Variants in WAC observed in about 807,000 individuals in gnomAD.
WAC encodes the protein WW domain-containing adapter protein with coiled-coil.
A neutral mutation model predicts 79.6 loss-of-function variants in WAC; 11 were observed. The ratio of observed to expected loss-of-function variants is 0.14; its 90% CI spans 0.09 to 0.23. WAC has a LOEUF of 0.23. Ranked by LOEUF, WAC falls within the 10% of genes least tolerant of loss-of-function variation. WAC has a pLI of 1.00. For synonymous variants in WAC, 304 were observed against 276.9 expected, an observed-to-expected ratio of 1.10 and a Z score of -0.97; for missense variants, 728 against 773.5, an observed-to-expected ratio of 0.94 and a Z score of 0.70.
rs1841678936 is a variant in WAC at position 28,621,204 on chromosome 10, G to GT, written c.*1604dup. The GT allele has an allele frequency of 7.6e-6, 1 of 132,084 alleles. No individual in the cohort carries two copies. Among genetic ancestry groups the GT allele is most frequent in the Non-Finnish European group, 1.6e-5 (1 of 63,908 alleles). The allele number at this position is 132,084 out of a possible 1,614,324, so 8.2% of individuals were successfully genotyped here. ...TTTTTTTTCTTTAAATTGGTTTAGG[G>GT]TTTTTTGGTGATTTTTTTTTTTTTT... On this transcript the variant is annotated 3_prime_UTR_variant, in exon 14 of 14. Coordinates refer to ENST00000354911, the MANE Select transcript of WAC (RefSeq NM_016628.5).
At chr10:28,604,894 C>A (rs534968186) in intron 7 of WAC, among the ~76,000 whole-genome samples, 2 of 152,334 alleles carry the variant, frequency 1.3e-5, no homozygotes, top group Admixed American at 1.3e-4. Context: ...TATAAAACTT[C>A]TACCTTTTAT....
chr10:28,561,893 C>T (rs559346222), intron 3 of WAC, among the ~76,000 whole-genome samples: 2 of 152,220 alleles, frequency 1.3e-5, no homozygotes, highest in Non-Finnish European at 1.5e-5. Flanking sequence ...GAGGTGGAAT[C>T]GTTTCACCCC....
chr10:28,616,407 A>G, intron 12 of WAC, 45 bp downstream of exon 12: 1 of 1,401,352 alleles, frequency 7.1e-7, no homozygotes, highest in Non-Finnish European at 9.5e-7. Flanking sequence ...TGATTAGCAA[A>G]ACAGAATTTA....
At chr10:28,545,821 A>G (rs1300156453) in intron 3 of WAC, among the ~76,000 whole-genome samples, 1 of 152,222 alleles carries the variant, frequency 6.6e-6, no homozygotes, top group Non-Finnish European at 1.5e-5. Flanking sequence ...ATTGGGTAGT[A>G]TCTGGAGCCA....
intron 3 of WAC, among the ~76,000 whole-genome samples, chr10:28,550,522 A>G (rs997431741): frequency 6.6e-6 from 1 of 152,162 alleles, no homozygotes; most frequent in Non-Finnish European, 1.5e-5. Flanking sequence ...AGCTCCTAAT[A>G]GGCAGCGATT....
intron 2 of WAC, among the ~76,000 whole-genome samples, chr10:28,534,690 G>A (rs1324697025): frequency 1.5e-4 from 23 of 152,148 alleles, no homozygotes; most frequent in Non-Finnish European, 2.9e-5. Context: ...CCAATTTTCA[G>A]GAGGGAAACC....
chr10:28,608,613 T>C, intron 8 of WAC, 182 bp downstream of exon 8: 1 of 635,450 alleles, frequency 1.6e-6, no homozygotes, highest in Non-Finnish European at 2.6e-6. Flanking sequence ...TTTAAGACCA[T>C]TGGTAGTATA....
Position 28,590,744 on chromosome 10 carries a change from C to T in WAC, c.522C>T (p.Asn174=), listed in dbSNP as rs774791096. The T allele has an allele frequency of 1.2e-5, 20 of 1,608,354 alleles. No individual in the cohort carries two copies. In the South Asian group the frequency reaches 2.2e-4, roughly 18 times the overall value. ...GAGAACAGAGACAAAAAGAAGCAAA[C>T]AAGATGGCAGTCAACAGCTTCCCAA... ...LEREQRQKEA[N]KMAVNSFPKD... The change falls in exon 6 of 14, where the codon AAC becomes AAT. Residue 174 remains asparagine (N), a synonymous_variant. Coordinates refer to ENST00000354911, the MANE Select transcript of WAC (RefSeq NM_016628.5).
intron 3 of WAC, among the ~76,000 whole-genome samples, chr10:28,545,977 A>C (rs557557260): frequency 1.3e-5 from 2 of 152,372 alleles, no homozygotes; most frequent in African/African-American, 4.8e-5. Flanking sequence ...TCTCCAAGTT[A>C]GTAGAGTATA....
chr10:28,589,976 C>A (rs1049222527), intron 5 of WAC, 125 bp downstream of exon 5: 4 of 660,840 alleles, frequency 6.1e-6, no homozygotes, highest in African/African-American at 3.7e-5. Context: ...TTTTTAGTTG[C>A]GGTGGTTGGT....
intron 10 of WAC, among the ~76,000 whole-genome samples, chr10:28,613,383 G>C (rs1254086066): frequency 6.6e-6 from 1 of 152,044 alleles, no homozygotes. Flanking sequence ...TGGGCATGGT[G>C]ATGTGCACTA....
At chr10:28,602,752 A>T (rs1414652415) in intron 7 of WAC, among the ~76,000 whole-genome samples, 1 of 152,228 alleles carries the variant, frequency 6.6e-6, no homozygotes, top group Non-Finnish European at 1.5e-5. Flanking sequence ...GGTACCTATA[A>T]CAAGAGTTGA....
rs1243948306 is a variant in WAC at position 28,535,968 on chromosome 10, C to T, written c.274+211C>T. ...TAAAAAGTGGACTCTTAAGGCCAGG[C>T]GCGGTGGCTCACGCCTGTAATCTCA... On this transcript the variant is annotated intron_variant, in intron 3 of 13. Coordinates refer to ENST00000354911, the MANE Select transcript of WAC (RefSeq NM_016628.5). 8 of 406,828 alleles carry T rather than the reference C, an allele frequency of 2.0e-5. No individual in the cohort carries two copies. In the South Asian group the frequency reaches 2.7e-4, roughly 14 times the overall value. 25.2% of individuals were successfully genotyped at this position (406,828 alleles called of 1,614,324 possible). A position where few individuals can be genotyped will look rare whatever the true frequency, so the allele number is the denominator to read the frequency against.
intron 7 of WAC, among the ~76,000 whole-genome samples, chr10:28,599,549 G>A (rs1476781626): frequency 6.6e-6 from 1 of 152,202 alleles, no homozygotes; most frequent in Non-Finnish European, 1.5e-5. Context: ...CAGGTGTTGA[G>A]AGTTGGGAGC....
chr10:28,596,407 TAAATAGA>T (rs1281820156), intron 7 of WAC, among the ~76,000 whole-genome samples: 1 of 152,200 alleles, frequency 6.6e-6, no homozygotes, highest in Non-Finnish European at 1.5e-5. Context: ...ATACTTAATA[TAAATAGA>T]GGTATTTTAA....
chr10:28,538,310 C>A, intron 3 of WAC: 1 of 332,888 alleles, frequency 3.0e-6, no homozygotes, highest in Non-Finnish European at 6.4e-6. Context: ...CAGGCCGGGT[C>A]AGTGGCTCAC....
chr10:28,606,091 G>A lies in WAC; in HGVS notation c.920-2095G>A, dbSNP rs1018304906. The stretch of plus-strand genomic sequence containing the variant: ...TTTTAGACAGGGCCTCACTCCCATT[G>A]CCTAGGCTAGATTGCAGTGGCTGAA... On this transcript the variant is annotated intron_variant, in intron 7 of 13. Transcript: ENST00000354911. Among the ~76,000 whole-genome samples, 11 of 149,986 alleles carry A rather than the reference G, an allele frequency of 7.3e-5. No individual in the cohort carries two copies. The East Asian group carries it at 2.2e-3, about 30-fold the overall frequency.
In WAC at chr10:28,555,436, GA is replaced by G. The variant is rs1258435646; in HGVS notation, c.274+19680del. Among the ~76,000 whole-genome samples the G allele has an allele frequency of 6.7e-4, 30 of 44,870 alleles. No individual in the cohort carries two copies. The South Asian group carries it at 0.029, about 44-fold the overall frequency. 29.4% of individuals were successfully genotyped at this position (44,870 alleles called of 152,430 possible). On this transcript the variant is annotated intron_variant, in intron 3 of 13. Transcript: ENST00000354911. ...TACTTGTTTAAAGCACAGTAAGGAAGATTTTTTTTTTCTGGGACTATTGCAG... is the reference window on the plus strand; with the variant it reads ...TACTTGTTTAAAGCACAGTAAGGAAGTTTTTTTTTTCTGGGACTATTGCAG...
intron 3 of WAC, among the ~76,000 whole-genome samples, chr10:28,560,179 A>C (rs1031308035): frequency 2.6e-5 from 4 of 152,064 alleles, no homozygotes; most frequent in African/African-American, 9.7e-5. Context: ...CTGTTTCTGC[A>C]AAAAATAAAA....
Sources: allele counts gnomAD v4.1 joint callset (sites outside exome capture counted in the v4.1 genomes callset), GRCh38; gene constraint gnomAD v4.1.1; transcripts MANE v1.5; gene names NCBI Gene and HGNC (gene_info 2026-07-23, HGNC 2026-07-21).